RAC1: variants seen among roughly 807,000 people sequenced by gnomAD.
RAC1 encodes the protein ras-related C3 botulinum toxin substrate 1.
In RAC1, 2 loss-of-function variants were observed where a neutral mutation model predicts 25.2. The ratio of observed to expected loss-of-function variants is 0.08; its 90% CI spans 0.03 to 0.25. The LOEUF is 0.25. Ranked by LOEUF, RAC1 falls within the 10% of genes least tolerant of loss-of-function variation. The pLI, the probability that RAC1 is intolerant of heterozygous loss-of-function variation, is 1.00. For synonymous variants in RAC1, 88 were observed against 94.0 expected, an observed-to-expected ratio of 0.94 and a Z score of 0.37; for missense variants, 50 against 235.7, an observed-to-expected ratio of 0.21 and a Z score of 5.16.
chr7:6,375,088 C>T (rs763819085), intron 1 of RAC1, among the ~76,000 whole-genome samples: 1 of 152,046 alleles, frequency 6.6e-6, no homozygotes, highest in Non-Finnish European at 1.5e-5. Flanking sequence ...GTAGAGCAAG[C>T]GCTCTTGGAG....
At chr7:6,394,514 C>G (rs1429176263) in intron 3 of RAC1, among the ~76,000 whole-genome samples, 1 of 152,056 alleles carries the variant, frequency 6.6e-6, no homozygotes, top group Non-Finnish European at 1.5e-5. Context: ...GAGTGGGAGC[C>G]TAAGTGACCT....
intron 1 of RAC1, among the ~76,000 whole-genome samples, chr7:6,376,529 G>A (rs35760067): frequency 1.4e-5 from 2 of 144,446 alleles, no homozygotes; most frequent in Admixed American, 7.0e-5. Context: ...TTGAGACGGG[G>A]TCTCACTCTG....
At chr7:6,374,968 C>G (rs1326141323) in intron 1 of RAC1, among the ~76,000 whole-genome samples, 198 bp downstream of exon 1, 1 of 151,678 alleles carries the variant, frequency 6.6e-6, no homozygotes, top group Non-Finnish European at 1.5e-5. Flanking sequence ...GTGCCTGGTT[C>G]CGGCTCTCGA....
intron 1 of RAC1, among the ~76,000 whole-genome samples, chr7:6,385,892 C>G (rs978954821): frequency 5.9e-5 from 9 of 152,222 alleles, no homozygotes; most frequent in African/African-American, 1.9e-4. Context: ...ACTTGGCTAA[C>G]TGAACCCTCA....
intron 3 of RAC1, among the ~76,000 whole-genome samples, chr7:6,397,041 A>C (rs959449027): frequency 6.7e-5 from 7 of 104,364 alleles, no homozygotes; most frequent in African/African-American, 1.2e-4. Context: ...AAAAACAAAA[A>C]AAAAAAAAAA....
intron 3 of RAC1, chr7:6,398,804 C>A: frequency 7.9e-7 from 1 of 1,269,124 alleles, no homozygotes; most frequent in Non-Finnish European, 1.1e-6. Flanking sequence ...TTTATTAAGC[C>A]TCAAGCTCCT....
intron 3 of RAC1, among the ~76,000 whole-genome samples, chr7:6,397,036 CAAAAA>C (rs151105670): frequency 3.7e-5 from 3 of 80,192 alleles, no homozygotes; most frequent in Admixed American, 1.3e-4. Context: ...CTCTCAAAAA[CAAAAA>C]AAAAAAAAAA....
intron 2 of RAC1, among the ~76,000 whole-genome samples, chr7:6,389,456 G>A (rs905690242): frequency 4.0e-5 from 6 of 151,872 alleles, no homozygotes; most frequent in Non-Finnish European, 8.8e-5. Context: ...TGAGCTGGGC[G>A]GATCACTGAG....
intron 2 of RAC1, among the ~76,000 whole-genome samples, chr7:6,388,108 C>T (rs916008413): frequency 6.6e-6 from 1 of 152,020 alleles, no homozygotes; most frequent in Admixed American, 6.6e-5. Flanking sequence ...TGCTTACTCC[C>T]TATAGGCAGC....
chr7:6,382,455 T>C (rs557677511), intron 1 of RAC1, among the ~76,000 whole-genome samples: 1 of 152,356 alleles, frequency 6.6e-6, no homozygotes, highest in Admixed American at 6.5e-5. Context: ...TTTATTTTTT[T>C]AACGTGAGGA....
chr7:6,395,457 C>T (rs991110214), intron 3 of RAC1, among the ~76,000 whole-genome samples: 2 of 152,156 alleles, frequency 1.3e-5, no homozygotes, highest in African/African-American at 4.8e-5. Context: ...TACTCTTCGC[C>T]GCGAGGGAAA....
intron 3 of RAC1, among the ~76,000 whole-genome samples, chr7:6,392,974 C>T (rs1783129886): frequency 1.3e-5 from 2 of 152,186 alleles, no homozygotes; most frequent in African/African-American, 4.8e-5. Flanking sequence ...TCAGAATTCT[C>T]CTGTTCCTCA....
At chr7:6,391,113 G>A (rs559949096) in intron 2 of RAC1, among the ~76,000 whole-genome samples, 3 of 152,228 alleles carry the variant, frequency 2.0e-5, no homozygotes, top group East Asian at 3.9e-4. Flanking sequence ...GGCCAGGCTG[G>A]TCTCGAACTC....
intron 3 of RAC1, among the ~76,000 whole-genome samples, chr7:6,395,242 A>G (rs1783202914): frequency 6.6e-6 from 1 of 152,224 alleles, no homozygotes; most frequent in Non-Finnish European, 1.5e-5. Flanking sequence ...CTGGGATTAC[A>G]GGCGTGAGCC....
intron 3 of RAC1, among the ~76,000 whole-genome samples, chr7:6,394,847 A>C (rs1042920296): frequency 6.7e-5 from 10 of 149,066 alleles, no homozygotes; most frequent in African/African-American, 2.5e-4. Flanking sequence ...TGCCTGGCTA[A>C]TTTTGTTTTG....
chr7:6,375,374 C>CA (rs1211318505), intron 1 of RAC1, among the ~76,000 whole-genome samples: 7 of 152,056 alleles, frequency 4.6e-5, no homozygotes, highest in Non-Finnish European at 7.4e-5. Context: ...CAGGCGTGTG[C>CA]CACCACGCCT....
chr7:6,390,103 T>G (rs1783049690), intron 2 of RAC1, among the ~76,000 whole-genome samples: 1 of 136,602 alleles, frequency 7.3e-6, no homozygotes, highest in Non-Finnish European at 1.6e-5. Context: ...TCCCTTTTTT[T>G]TTTTTTTTTT....
chr7:6,385,837 G>A lies in RAC1; in HGVS notation c.36-1375G>A, dbSNP rs78626363. Among the ~76,000 whole-genome samples, 1,440 of 152,290 alleles carry A rather than the reference G, an allele frequency of 9.5e-3. 25 individuals are homozygous for A. Among genetic ancestry groups the A allele is most frequent in the African/African-American group, 0.028 (1,156 of 41,548 alleles). ...GATGCTGATGTGTCATTGTGACCTT[G>A]GTAAACTGACAGCACAGCAGAGAGA... On this transcript the variant is annotated intron_variant, in intron 1 of 5. Transcript: ENST00000348035.
chr7:6,389,301 CTTAGT>C lies in RAC1; in HGVS notation c.107+2019_107+2023del, dbSNP rs367845025. 3.7e-4 allele frequency among the ~76,000 whole-genome samples: 57 copies of C among 152,076 alleles called. No individual in the cohort carries two copies. In the East Asian group the frequency reaches 8.9e-3, roughly 24 times the overall value. ...TTGCTGGCCTTGACTTAAGTGGCCT[CTTAGT>C]ACACACTGCCATTAACGTGGGTTGA... On this transcript the variant is annotated intron_variant, in intron 2 of 5. Coordinates refer to ENST00000348035, the MANE Select transcript of RAC1 (RefSeq NM_006908.5).
Sources: allele counts gnomAD v4.1 joint callset (sites outside exome capture counted in the v4.1 genomes callset), GRCh38; gene constraint gnomAD v4.1.1; transcripts MANE v1.5; gene names NCBI Gene and HGNC (gene_info 2026-07-23, HGNC 2026-07-21).